ZNF215: variants seen among roughly 807,000 people sequenced by gnomAD.
The protein encoded by ZNF215 is zinc finger protein 215, also known as BWSCR2-associated zinc finger protein 2.
A neutral mutation model predicts 27.2 loss-of-function variants in ZNF215; 24 were observed. The ratio of observed to expected loss-of-function variants is 0.88; its 90% CI spans 0.64 to 1.24. The LOEUF is 1.24. Ranked by LOEUF, ZNF215 falls within the 50% of genes most tolerant of loss-of-function variation. ZNF215 has a pLI of 0.00. For synonymous variants in ZNF215, 210 were observed against 204.0 expected (o/e 1.03, Z -0.25); for missense variants, 675 against 605.7 (o/e 1.11, Z -1.20).
At chr11:6,992,426 C>T (rs1484809177), downstream of ZNF215, among the ~76,000 whole-genome samples, 1 of 152,210 alleles carries the variant, frequency 6.6e-6, no homozygotes, top group Non-Finnish European at 1.5e-5. Flanking sequence ...GCTGCTTCCG[C>T]AACCATCAAT....
At chr11:6,932,825 A>C (rs181964648) in intron 3 of ZNF215, among the ~76,000 whole-genome samples, 153 bp downstream of exon 3, 2 of 152,354 alleles carry the variant, frequency 1.3e-5, no homozygotes, top group East Asian at 3.9e-4. Flanking sequence ...TGTAGGTAAT[A>C]GAAATAGAGA....
intron 5 of ZNF215, among the ~76,000 whole-genome samples, chr11:6,965,780 G>A (rs1167326206): frequency 1.3e-5 from 2 of 152,172 alleles, no homozygotes; most frequent in East Asian, 1.9e-4. Context: ...CATTCTAGTA[G>A]TTTTTTGTGA....
downstream of ZNF215, among the ~76,000 whole-genome samples, chr11:6,959,327 T>TA: frequency 6.6e-6 from 1 of 152,222 alleles, no homozygotes; most frequent in East Asian, 1.9e-4. Flanking sequence ...TTCATAGAGG[T>TA]AAAGCTACAG....
chr11:6,977,716 C>G (rs1298518797), intron 5 of ZNF215, among the ~76,000 whole-genome samples: 1 of 151,944 alleles, frequency 6.6e-6, no homozygotes, highest in Admixed American at 6.6e-5. Context: ...TTAGCTTCCA[C>G]AATTGTGAGG....
At chr11:6,928,601 T>G (rs555081892) in intron 2 of ZNF215, among the ~76,000 whole-genome samples, 1 of 152,340 alleles carries the variant, frequency 6.6e-6, no homozygotes, top group Admixed American at 6.5e-5. Context: ...CTTTTGAGTT[T>G]TATGTAGTTT....
chr11:6,934,073 G>T (rs1041423121), intron 3 of ZNF215, among the ~76,000 whole-genome samples: 7 of 152,154 alleles, frequency 4.6e-5, no homozygotes, highest in Non-Finnish European at 8.8e-5. Flanking sequence ...ATTGGGGACA[G>T]TGATTATATT....
chr11:6,974,201 T>G (rs995501659), intron 5 of ZNF215, among the ~76,000 whole-genome samples: 8 of 152,070 alleles, frequency 5.3e-5, no homozygotes, highest in Non-Finnish European at 8.8e-5. Context: ...GATCAGATGG[T>G]TGTAGATGTG....
Position 6,957,147 on chromosome 11 carries a change from T to C in ZNF215, c.*616T>C, listed in dbSNP as rs1850392310. 1 of 985,476 alleles carries C rather than the reference T, an allele frequency of 1.0e-6. No homozygotes were observed. Among genetic ancestry groups the C allele is most frequent in the Non-Finnish European group, 1.2e-6 (1 of 829,946 alleles). 61.0% of individuals were successfully genotyped at this position (985,476 alleles called of 1,614,324 possible). Reference sequence around the variant, plus strand: ...AGAAGTATGTATTGCTGTTAATCTATATGTATTCTTAAAATCTGCATTTGT... The same window carrying C: ...AGAAGTATGTATTGCTGTTAATCTACATGTATTCTTAAAATCTGCATTTGT... On this transcript the variant is annotated 3_prime_UTR_variant, in exon 7 of 7. Transcript: ENST00000278319.
At chr11:6,949,926 G>A (rs1180827608) in intron 6 of ZNF215, among the ~76,000 whole-genome samples, 3 of 152,068 alleles carry the variant, frequency 2.0e-5, no homozygotes, top group Non-Finnish European at 4.4e-5. Flanking sequence ...GTAAGGAAGG[G>A]ATCCAGTTTC....
At chr11:6,944,163 C>T (rs1849734013) in intron 6 of ZNF215, among the ~76,000 whole-genome samples, 1 of 152,110 alleles carries the variant, frequency 6.6e-6, no homozygotes, top group African/African-American at 2.4e-5. Context: ...GTAGTCCCAG[C>T]TACTAGGGAG....
At chr11:6,931,964 T>C (rs1325895706) in intron 2 of ZNF215, 130 bp from the exon 3 acceptor site, 1 of 226,532 alleles carries the variant, frequency 4.4e-6, no homozygotes, top group Non-Finnish European at 8.6e-6. Context: ...TTTCTAGTTC[T>C]AAGAAAGGAA....
chr11:6,954,847 G>C (rs1447777824), intron 6 of ZNF215, among the ~76,000 whole-genome samples: 1 of 152,198 alleles, frequency 6.6e-6, no homozygotes, highest in African/African-American at 2.4e-5. Context: ...GGGAGCTGTA[G>C]ACCGGAGCTG....
chr11:6,959,976 C>T (rs1386198823), downstream of ZNF215, among the ~76,000 whole-genome samples: 1 of 151,920 alleles, frequency 6.6e-6, no homozygotes, highest in African/African-American at 2.4e-5. Flanking sequence ...CAGATGTATA[C>T]ATATATGAAT....
chr11:6,986,132 T>G (rs1367528671), downstream of ZNF215, among the ~76,000 whole-genome samples: 1 of 152,058 alleles, frequency 6.6e-6, no homozygotes, highest in Non-Finnish European at 1.5e-5. Flanking sequence ...AACTATATAC[T>G]ACAATGCTAC....
At chr11:6,955,536 A>G (rs992521361) in intron 6 of ZNF215, among the ~76,000 whole-genome samples, 154 bp from the exon 7 acceptor site, 3 of 151,950 alleles carry the variant, frequency 2.0e-5, no homozygotes, top group Admixed American at 6.6e-5. Context: ...TGTACCATTT[A>G]TTTCTTTTAT....
chr11:6,943,153 TA>T lies in ZNF215; in HGVS notation c.557del (p.Lys186ArgfsTer7). The T allele has an allele frequency of 3.7e-6, 6 of 1,614,056 alleles. No individual in the cohort carries two copies. The highest frequency in any genetic ancestry group is 5.1e-6 in the Non-Finnish European group (6 of 1,179,974). On this transcript the variant is annotated frameshift_variant, in exon 5 of 7. Transcript: ENST00000278319. LOFTEE classifies it high-confidence loss of function. Reference protein sequence around the residue: ...KEEWGQLDSAVKNLYRNVMLE... With the variant: ...KEEWGQLDSAXKNLYRNVMLE... ...GAGTGGGGGCAACTGGACTCTGCTG[TA>T]AAGAACCTGTACAGGAATGTGATGC...
chr11:6,941,399 A>C (rs1189116691), intron 3 of ZNF215, among the ~76,000 whole-genome samples, 172 bp from the exon 4 acceptor site: 1 of 152,270 alleles, frequency 6.6e-6, no homozygotes, highest in Non-Finnish European at 1.5e-5. Context: ...TTTTAAAAAT[A>C]CAAGATCTAG....
chr11:6,956,811 C>T lies in ZNF215; in HGVS notation c.*280C>T. 8.6e-7 allele frequency: 1 copy of T among 1,162,632 alleles called. No individual in the cohort carries two copies. Among genetic ancestry groups the T allele is most frequent in the Non-Finnish European group, 1.1e-6 (1 of 943,224 alleles). The allele number at this position is 1,162,632 out of a possible 1,614,324, so 72.0% of individuals were successfully genotyped here. A position where few individuals can be genotyped will look rare whatever the true frequency, so the allele number is the denominator to read the frequency against. ...TATCATTATTTTGATATCCATTACC[C>T]TCACCTCTCCCTAGTTCATAAATAG... On this transcript the variant is annotated 3_prime_UTR_variant, in exon 7 of 7. Coordinates refer to ENST00000278319, the MANE Select transcript of ZNF215 (RefSeq NM_013250.4).
At chr11:6,947,250 A>C (rs1217040574) in intron 6 of ZNF215, among the ~76,000 whole-genome samples, 1 of 152,194 alleles carries the variant, frequency 6.6e-6, no homozygotes, top group Non-Finnish European at 1.5e-5. Flanking sequence ...TATTTTCTCA[A>C]ATAGTTAATG....
Sources: gnomAD v4.1 joint callset for allele counts (sites outside exome capture counted in the v4.1 genomes callset) on GRCh38, gnomAD v4.1.1 for gene constraint, MANE v1.5 for transcripts, NCBI Gene and HGNC (gene_info 2026-07-23, HGNC 2026-07-21) for gene names.